MPZL2: variants seen among roughly 807,000 people sequenced by gnomAD.
The protein encoded by MPZL2 is myelin protein zero like 2, also known as myelin protein zero-like protein 2.
In MPZL2, 32 loss-of-function variants were observed where a neutral mutation model predicts 24.5. That is an observed-to-expected ratio of 1.31 (90% confidence interval 0.99 to 1.76). The LOEUF (loss-of-function observed/expected upper bound fraction) is 1.76, where lower values mean the gene tolerates loss of function less well. Ranked by LOEUF, MPZL2 falls within the 40% of genes most tolerant of loss-of-function variation. MPZL2 has a pLI of 0.00. For missense variants in MPZL2, 304 were observed against 274.9 expected, an observed-to-expected ratio of 1.11 and a Z score of -0.75; for synonymous variants, 92 against 97.9, an observed-to-expected ratio of 0.94 and a Z score of 0.36.
At chr11:118,259,897 A>T (rs1949687695) in intron 4 of MPZL2, 157 bp downstream of exon 4, 1 of 739,284 alleles carries the variant, frequency 1.4e-6, no homozygotes, top group Admixed American at 2.8e-5. Context: ...TAAAGTTACT[A>T]GTTCATACCT....
At chr11:118,263,174 T>C in intron 1 of MPZL2, 77 bp from the exon 2 acceptor site, 1 of 1,424,750 alleles carries the variant, frequency 7.0e-7, no homozygotes, top group South Asian at 1.3e-5. Context: ...ACTTCCAAAA[T>C]AAATATCTGA....
intron 4 of MPZL2, 51 bp downstream of exon 4, chr11:118,260,003 C>T: frequency 6.2e-7 from 1 of 1,602,582 alleles, no homozygotes; most frequent in Non-Finnish European, 8.5e-7. Flanking sequence ...TGCAAAATAC[C>T]AAGAGTCGCC....
chr11:118,258,654 G>C (rs1949677993), intron 4 of MPZL2, among the ~76,000 whole-genome samples: 1 of 152,196 alleles, frequency 6.6e-6, no homozygotes, highest in South Asian at 2.1e-4. Context: ...ATTGTAATCT[G>C]CATTGCTAGA....
intron 4 of MPZL2, chr11:118,259,826 C>CT: frequency 2.8e-6 from 1 of 360,946 alleles, no homozygotes. Flanking sequence ...GTAAAATCAA[C>CT]CCCCCCACAT....
Position 118,257,289 on chromosome 11 carries a change from T to C in MPZL2, c.609A>G (p.Gln203=). 1 of 1,612,196 alleles carries C rather than the reference T, an allele frequency of 6.2e-7. No individual in the cohort carries two copies. The highest frequency in any genetic ancestry group is 8.5e-7 in the Non-Finnish European group (1 of 1,179,078). Residue 203 remains glutamine, a synonymous_variant, in exon 5 of 6, where the codon CAA becomes CAG. Transcript: ENST00000278937. ...CTAAATAAACAGAGACCTTTTTCTC[T>C]TGGTTGAGCCTTTCCTCTTCTTTTC... The part of the protein sequence containing the change: ...IKSKEEERLN[Q]EKKVSVYLED...
chr11:118,264,131 C>A lies in MPZL2; in HGVS notation c.23G>T (p.Arg8Leu). The A allele has an allele frequency of 6.2e-7, 1 of 1,614,092 alleles. No individual in the cohort carries two copies. Among genetic ancestry groups the A allele is most frequent in the Non-Finnish European group, 8.5e-7 (1 of 1,180,024 alleles). The change falls in exon 1 of 6, where the codon CGT (arginine) becomes CTT (leucine). Residue 8 changes from arginine to leucine, a missense_variant. Physicochemically the swap from Arg to Leu is moderately radical, Grantham distance 102 (BLOSUM62 -2). Transcript: ENST00000278937. MYGKSST[R>L]AVLLLLGIQL... The stretch of plus-strand genomic sequence containing the variant: ...TATGCCAAGGAGAAGAAGCACCGCA[C>A]GAGTAGAGCTCTTGCCATACATGAG...
rs1319701244 is a variant in MPZL2, at chr11:118,253,792, T to C, written c.*1454A>G. ...TTTAAAACTTTGCTTTTTTAGACAG[T>C]ATAAAAGGCAGAATGAGACAGATAT... On this transcript the variant is annotated 3_prime_UTR_variant, in exon 6 of 6. Transcript: ENST00000278937. The C allele has an allele frequency of 2.6e-5, 4 of 152,528 alleles. No homozygotes were observed. The highest frequency in any genetic ancestry group is 9.7e-5 in the African/African-American group (4 of 41,444). The allele number at this position is 152,528 out of a possible 1,614,324, so 9.4% of individuals were successfully genotyped here. A position where few individuals can be genotyped will look rare whatever the true frequency, so the allele number is the denominator to read the frequency against.
chr11:118,262,694 C>A (rs2134734539), intron 2 of MPZL2, 46 bp from the exon 3 acceptor site: 1 of 1,574,986 alleles, frequency 6.3e-7, no homozygotes, highest in Non-Finnish European at 8.7e-7. Flanking sequence ...AGCACCCAGG[C>A]AAGGAGGCCA....
At chr11:118,259,726 G>C (rs1949686228) in intron 4 of MPZL2, 1 of 182,112 alleles carries the variant, frequency 5.5e-6, no homozygotes, top group African/African-American at 2.4e-5. Flanking sequence ...TAGTGGCCCT[G>C]CTGACTGCCT....
chr11:118,258,010 C>CA (rs57543563), intron 4 of MPZL2, among the ~76,000 whole-genome samples: 10,638 of 132,980 alleles, frequency 0.08, 1,221 homozygotes, highest in African/African-American at 0.26. Context: ...AAGTCTGTCT[C>CA]AAAAAAAAAA....
intron 3 of MPZL2, among the ~76,000 whole-genome samples, chr11:118,261,760 C>T (rs1374566521): frequency 1.3e-5 from 2 of 152,274 alleles, no homozygotes; most frequent in East Asian, 3.9e-4. Context: ...GCAGACAATA[C>T]AATGCACCAA....
chr11:118,262,567 G>A lies in MPZL2; in HGVS notation c.307C>T (p.Arg103Trp), dbSNP rs200789155. The change falls in exon 3 of 6, where the codon CGG becomes TGG. Residue 103 changes from arginine to tryptophan, a missense_variant. Transcript: ENST00000278937. ...DRVSWDGNPE[R>W]YDASILLWKL... Reference sequence around the variant, plus strand: ...CAGAGAAGGATGGAGGCATCGTACCGCTCAGGATTCCCATCCCAAGACACC... The same window carrying A: ...CAGAGAAGGATGGAGGCATCGTACCACTCAGGATTCCCATCCCAAGACACC... 235 of 1,614,138 alleles carry A rather than the reference G, an allele frequency of 1.5e-4. No homozygotes were observed. The South Asian group carries it at 1.9e-3, about 13-fold the overall frequency.
At chr11:118,262,777 C>A in intron 2 of MPZL2, 129 bp from the exon 3 acceptor site, 1 of 1,342,492 alleles carries the variant, frequency 7.4e-7, no homozygotes, top group Non-Finnish European at 1.0e-6. Context: ...TTGCTTTCCC[C>A]TTCAACGGCC....
chr11:118,257,376 A>G, intron 4 of MPZL2, 63 bp from the exon 5 acceptor site: 2 of 1,334,172 alleles, frequency 1.5e-6, no homozygotes, highest in South Asian at 1.2e-5. Flanking sequence ...TAAATCCCAC[A>G]GAAGCTTCAG....
In MPZL2 at chr11:118,259,947, A is replaced by C. The variant is rs2134731468; in HGVS notation, c.584+107T>G. 5 of 1,302,578 alleles carry C rather than the reference A, an allele frequency of 3.8e-6. No individual in the cohort carries two copies. The East Asian group carries it at 1.2e-4, about 31-fold the overall frequency. 80.7% of individuals were successfully genotyped at this position (1,302,578 alleles called of 1,614,324 possible). On this transcript the variant is annotated intron_variant, in intron 4 of 5. Coordinates refer to ENST00000278937, the MANE Select transcript of MPZL2 (RefSeq NM_005797.4). ...GCAAATGTGAATTCTTTTATATAGG[A>C]TTTACTTAAAGGGAAAAACATCTGT...
chr11:118,260,104 G>T lies in MPZL2; in HGVS notation c.534C>A (p.Tyr178Ter). The change falls in exon 4 of 6, where the codon TAC becomes TAA. Residue 178 changes from tyrosine to a stop codon, truncating the protein, a stop_gained. Coordinates refer to ENST00000278937, the MANE Select transcript of MPZL2 (RefSeq NM_005797.4). LOFTEE classifies it high-confidence loss of function. ...IVIVVVLFQH[Y>*]RKKRWAERAH... is the part of the protein sequence containing the mutation. The stretch of plus-strand genomic sequence containing the variant: ...CTCTTTCGGCCCATCGCTTTTTCCG[G>T]TAATGCTGGAAGAGGACCACTACAA... 6.2e-7 allele frequency: 1 copy of T among 1,614,026 alleles called. No homozygotes were observed. Among genetic ancestry groups the T allele is most frequent in the Non-Finnish European group, 8.5e-7 (1 of 1,179,966 alleles).
intron 2 of MPZL2, 50 bp downstream of exon 2, chr11:118,262,881 A>G (rs1475519341): frequency 6.3e-7 from 1 of 1,585,690 alleles, no homozygotes; most frequent in African/African-American, 1.4e-5. Flanking sequence ...GGACTGGCTT[A>G]TTATTTCCCT....
chr11:118,259,912 T>C, intron 4 of MPZL2, 142 bp downstream of exon 4: 2 of 934,530 alleles, frequency 2.1e-6, no homozygotes, highest in Non-Finnish European at 3.1e-6. Flanking sequence ...ATACCTGATT[T>C]ATCTGTCCTG....
rs10790248 is a variant in MPZL2 at position 118,254,957 on chromosome 11, G to A, written c.*289C>T. On this transcript the variant is annotated 3_prime_UTR_variant, in exon 6 of 6. Coordinates refer to ENST00000278937, the MANE Select transcript of MPZL2 (RefSeq NM_005797.4). ...TACAAGTCATAACACTGTAAGTAGT[G>A]TCTTAAGGGCAAAAATGTAGCTTCT... 0.42 allele frequency: 63,432 copies of A among 152,054 alleles called. 15,109 individuals are homozygous for A. The highest frequency in any genetic ancestry group is 0.72 in the South Asian group (3,483 of 4,820). The allele number at this position is 152,054 out of a possible 1,614,324, so 9.4% of individuals were successfully genotyped here. A position where few individuals can be genotyped will look rare whatever the true frequency, so the allele number is the denominator to read the frequency against.
Sources: allele counts gnomAD v4.1 joint callset (sites outside exome capture counted in the v4.1 genomes callset), GRCh38; gene constraint gnomAD v4.1.1; transcripts MANE v1.5; gene names NCBI Gene and HGNC (gene_info 2026-07-23, HGNC 2026-07-21).